OSBPL10: variants seen among roughly 807,000 people sequenced by gnomAD.
OSBPL10 encodes oxysterol-binding protein-related protein 10.
A neutral mutation model predicts 81.7 loss-of-function variants in OSBPL10; 49 were observed. The ratio of observed to expected loss-of-function variants is 0.60; its 90% CI spans 0.48 to 0.76. The LOEUF (loss-of-function observed/expected upper bound fraction) is 0.76. Among genes scored for constraint, OSBPL10 ranks in the 30% least tolerant of loss-of-function variants. The pLI is 0.00. For synonymous variants in OSBPL10, 419 were observed against 383.6 expected, an observed-to-expected ratio of 1.09 and a Z score of -1.08; for missense variants, 923 against 987.8, an observed-to-expected ratio of 0.93 and a Z score of 0.88.
chr3:31,795,782 G>T lies in OSBPL10; in HGVS notation c.729+34258C>A, dbSNP rs374478865. On this transcript the variant is annotated intron_variant, in intron 4 of 11. Transcript: ENST00000396556. ...GAAAGACCTTATAGTTGTGGGGAATGTGGGAAATTATTTTACAAGAAGTCT... is the reference window on the plus strand; with the variant it reads ...GAAAGACCTTATAGTTGTGGGGAATTTGGGAAATTATTTTACAAGAAGTCT... 1.7e-4 allele frequency: 40 copies of T among 240,396 alleles called. 4 individuals are homozygous for T. The highest frequency in any genetic ancestry group is 1.2e-3 in the East Asian group (11 of 9,248). The allele number at this position is 240,396 out of a possible 1,614,324, so 14.9% of individuals were successfully genotyped here. A position where few individuals can be genotyped will look rare whatever the true frequency, so the allele number is the denominator to read the frequency against.
Position 32,031,008 on chromosome 3 carries a change from A to C in OSBPL10, n.298+15483T>G, listed in dbSNP as rs112651281. 6.1e-3 allele frequency among the ~76,000 whole-genome samples: 921 copies of C among 152,224 alleles called. 2 individuals carry two copies. The highest frequency in any genetic ancestry group is 0.017 in the Middle Eastern group (5 of 292). The stretch of plus-strand genomic sequence containing the variant: ...TGGTAAAACCTCGTCTCTACTAAAA[A>C]TACAAAAAGATTAGCCTGGCGTTGT... On this transcript the variant is annotated intron_variant and non_coding_transcript_variant, in intron 2 of 3. Coordinates refer to the OSBPL10 transcript ENST00000479173.
intron 7 of OSBPL10, among the ~76,000 whole-genome samples, chr3:31,691,751 G>A (rs1695560402): frequency 6.6e-6 from 1 of 151,946 alleles, no homozygotes; most frequent in South Asian, 2.1e-4. Flanking sequence ...AAAGAAACAT[G>A]ACTTCATAAC....
chr3:32,026,898 T>A (rs886216451), intron 2 of OSBPL10, among the ~76,000 whole-genome samples: 2 of 152,114 alleles, frequency 1.3e-5, no homozygotes, highest in African/African-American at 4.8e-5. Flanking sequence ...CCATACAGAT[T>A]TGCACAGTCA....
At chr3:31,888,873 G>A (rs917939570) in intron 1 of OSBPL10, among the ~76,000 whole-genome samples, 19 of 152,218 alleles carry the variant, frequency 1.2e-4, no homozygotes, top group African/African-American at 3.1e-4. Context: ...GCAGTGAGCC[G>A]AGATCACGTC....
intron 4 of OSBPL10, among the ~76,000 whole-genome samples, chr3:31,818,588 A>AC (rs1388813718): frequency 6.6e-6 from 1 of 152,076 alleles, no homozygotes; most frequent in Non-Finnish European, 1.5e-5. Flanking sequence ...TTAGCTGCTT[A>AC]CCCTCTAACT....
chr3:31,839,629 T>C (rs1288514117), intron 3 of OSBPL10, among the ~76,000 whole-genome samples: 2 of 152,066 alleles, frequency 1.3e-5, no homozygotes. Context: ...TGAGCCAGGC[T>C]ATCTGGGTAA....
chr3:32,008,559 C>T (rs1270385244), intron 2 of OSBPL10, among the ~76,000 whole-genome samples: 6 of 140,866 alleles, frequency 4.3e-5, no homozygotes, highest in Admixed American at 7.1e-5. Context: ...GGCCAAACCC[C>T]GTTTCTACAA....
intron 1 of OSBPL10, among the ~76,000 whole-genome samples, chr3:31,930,003 C>CAAACAAACAAAAAAAAAAAAA (rs1306473764): frequency 1.4e-5 from 1 of 72,574 alleles, no homozygotes. Context: ...TGTCACCAAC[C>CAAACAAACAAAAAAAAAAAAA]AAAAAAAAAA....
intron 7 of OSBPL10, among the ~76,000 whole-genome samples, chr3:31,697,528 T>C (rs1261639195): frequency 1.3e-5 from 2 of 151,964 alleles, no homozygotes; most frequent in Non-Finnish European, 2.9e-5. Context: ...AATAAAAGAA[T>C]AAAACAAAAT....
intron 2 of OSBPL10, among the ~76,000 whole-genome samples, chr3:31,996,462 A>G (rs1699090675): frequency 6.6e-6 from 1 of 151,808 alleles, no homozygotes; most frequent in Non-Finnish European, 1.5e-5. Flanking sequence ...GAGCCAACCT[A>G]TGTGTGATCT....
intron 4 of OSBPL10, among the ~76,000 whole-genome samples, chr3:31,816,820 A>G (rs913413485): frequency 2.0e-5 from 3 of 152,128 alleles, no homozygotes; most frequent in Non-Finnish European, 4.4e-5. Flanking sequence ...TCAAGAGTTC[A>G]GTTCTCTGCA....
chr3:31,666,659 C>A (rs1700197556), intron 10 of OSBPL10, among the ~76,000 whole-genome samples: 1 of 152,060 alleles, frequency 6.6e-6, no homozygotes, highest in South Asian at 2.1e-4. Context: ...ATTTGGAGAC[C>A]CCCCAGCAGA....
rs576083232 is a variant in OSBPL10, at chr3:31,824,662, ATCTGTGCTCTG to A, written c.729+5367_729+5377del. 1.6e-3 allele frequency among the ~76,000 whole-genome samples: 249 copies of A among 152,248 alleles called. 1 individual carries two copies. The highest frequency in any genetic ancestry group is 5.8e-3 in the African/African-American group (242 of 41,560). ...TTGGACGCAGAGTGAGTGATCATAC[ATCTGTGCTCTG>A]GCCATTGTCCACCAAAGCCTTCACA... is the stretch of plus-strand genomic sequence containing the variant. On this transcript the variant is annotated intron_variant, in intron 4 of 11. Coordinates refer to ENST00000396556, the MANE Select transcript of OSBPL10 (RefSeq NM_017784.5).
At chr3:31,948,719 CT>C (rs756482249) in intron 1 of OSBPL10, among the ~76,000 whole-genome samples, 2 of 152,154 alleles carry the variant, frequency 1.3e-5, no homozygotes, top group Non-Finnish European at 2.9e-5. Context: ...TTTGCCTTTC[CT>C]TTCCACTAAA....
At chr3:31,883,542 G>GTTT (rs59059225) in intron 1 of OSBPL10, among the ~76,000 whole-genome samples, 2,108 of 138,846 alleles carry the variant, frequency 0.015, 29 homozygotes, top group African/African-American at 0.026. Context: ...TTTTTTTGTT[G>GTTT]TTTTTTTTTT....
chr3:32,006,799 A>G (rs1473991433), intron 2 of OSBPL10, among the ~76,000 whole-genome samples: 1 of 152,226 alleles, frequency 6.6e-6, no homozygotes, highest in Non-Finnish European at 1.5e-5. Flanking sequence ...ATGTACCATA[A>G]TGCTTTTGTT....
chr3:31,836,778 C>T (rs1700365510), intron 3 of OSBPL10, among the ~76,000 whole-genome samples: 1 of 152,192 alleles, frequency 6.6e-6, no homozygotes, highest in African/African-American at 2.4e-5. Flanking sequence ...ACTTTGCATC[C>T]TCCATCCACA....
At chr3:32,034,406 A>G (rs1270087295) in intron 2 of OSBPL10, among the ~76,000 whole-genome samples, 1 of 147,206 alleles carries the variant, frequency 6.8e-6, no homozygotes, top group Non-Finnish European at 1.5e-5. Flanking sequence ...GCACCACTGC[A>G]CTCCAGCCTC....
intron 1 of OSBPL10, among the ~76,000 whole-genome samples, chr3:32,066,011 A>AAGAGAG (rs1233723569): frequency 1.3e-4 from 7 of 53,226 alleles, no homozygotes; most frequent in African/African-American, 3.0e-4. Flanking sequence ...AAGAAAGAGA[A>AAGAGAG]AGAAAGAAAG....
Sources: gnomAD v4.1 joint callset for allele counts (sites outside exome capture counted in the v4.1 genomes callset) on GRCh38, gnomAD v4.1.1 for gene constraint, MANE v1.5 for transcripts, NCBI Gene and HGNC (gene_info 2026-07-23, HGNC 2026-07-21) for gene names.